The following SAP130 variants were observed in gnomAD, a reference collection of about 807,000 sequenced individuals.
The protein encoded by SAP130 is histone deacetylase complex subunit SAP130.
A neutral mutation model predicts 103.2 loss-of-function variants in SAP130; 16 were observed. That is an observed-to-expected ratio of 0.16 (90% CI 0.10 to 0.24). SAP130 has a LOEUF of 0.24. SAP130 is among the 10% of genes least tolerant of loss of function. SAP130 has a pLI of 1.00. For missense variants in SAP130, 990 were observed against 1,359.7 expected (o/e 0.73, Z 4.28); for synonymous variants, 477 against 497.0 (o/e 0.96, Z 0.53).
chr2:127,998,395 A>G (rs1274531407), intron 10 of SAP130, among the ~76,000 whole-genome samples: 1 of 152,208 alleles, frequency 6.6e-6, no homozygotes, highest in Admixed American at 6.5e-5. Context: ...TCCTAATAAG[A>G]ATAGCTGAAT....
rs1683419960 is a variant in SAP130 at position 127,999,771 on chromosome 2, T to C, written c.1183A>G (p.Thr395Ala). ...MTVPSHSSHA[T>A]AVTTSNIPVA... Reference sequence around the variant, plus strand: ...GGGATGTTTGAGGTGGTCACAGCAGTAGCATGGGAGGAATGGGAGGGTACT... The same window carrying C: ...GGGATGTTTGAGGTGGTCACAGCAGCAGCATGGGAGGAATGGGAGGGTACT... The change falls in exon 10 of 21, where the codon ACT becomes GCT. Residue 395 changes from threonine (T) to alanine (A), a missense_variant. By Grantham distance (58) the Thr-to-Ala change is moderately conservative (BLOSUM62 0). Around this residue, in one of 6 missense-constraint regions of SAP130, gnomAD observed 336 missense variants for 520.1 expected, o/e 0.65. Coordinates refer to ENST00000643581, the MANE Select transcript of SAP130 (RefSeq NM_001330301.2). The C allele has an allele frequency of 4.6e-6, 7 of 1,529,606 alleles. No individual in the cohort carries two copies. Among genetic ancestry groups the C allele is most frequent in the Admixed American group, 2.2e-5 (1 of 45,090 alleles). The allele number at this position is 1,529,606 out of a possible 1,614,324, so 94.8% of individuals were successfully genotyped here.
chr2:127,943,739 G>A (rs1481824845), intron 19 of SAP130, among the ~76,000 whole-genome samples: 1 of 152,260 alleles, frequency 6.6e-6, no homozygotes, highest in Non-Finnish European at 1.5e-5. Flanking sequence ...GTGTGAGTCA[G>A]TGGGTGAGCA....
chr2:127,996,438 A>G lies in SAP130; in HGVS notation c.1267T>C (p.Tyr423His). 6.2e-7 allele frequency: 1 copy of G among 1,607,352 alleles called. No individual in the cohort carries two copies. Among genetic ancestry groups the G allele is most frequent in the South Asian group, 1.1e-5 (1 of 90,002 alleles). ...THTSPRIQPDYPAERSSLIPI... is the reference protein window; with the variant it reads ...THTSPRIQPDHPAERSSLIPI... Reference sequence around the variant, plus strand: ...ATCAGGCTACTCCTCTCGGCAGGGTAGTCTGGCTGGATCCGAGGAGAAGTG... The same window carrying G: ...ATCAGGCTACTCCTCTCGGCAGGGTGGTCTGGCTGGATCCGAGGAGAAGTG... Residue 423 changes from tyrosine to histidine, a missense_variant, in exon 11 of 21, where the codon TAC (tyrosine) becomes CAC (histidine). By Grantham distance (83) the Tyr-to-His change is moderately conservative. Transcript: ENST00000643581. This position sits in a 1 kb window ranked among gnomAD's most constrained non-coding sequence, Gnocchi z 4.3.
chr2:128,022,264 A>G (rs1685211285), intron 2 of SAP130, among the ~76,000 whole-genome samples: 1 of 152,230 alleles, frequency 6.6e-6, no homozygotes, highest in African/African-American at 2.4e-5. Flanking sequence ...AGGGTTATCC[A>G]TAATGTTGTG....
chr2:127,993,327 A>G lies in SAP130; in HGVS notation c.1356-19T>C, dbSNP rs769309735. 7 of 1,586,730 alleles carry G rather than the reference A, an allele frequency of 4.4e-6. No individual in the cohort carries two copies. In the East Asian group the frequency reaches 1.6e-4, roughly 36 times the overall value. On this transcript the variant is annotated intron_variant, in intron 11 of 20. Coordinates refer to ENST00000643581, the MANE Select transcript of SAP130 (RefSeq NM_001330301.2). The stretch of plus-strand genomic sequence containing the variant: ...AGACGGTCTAGAGACAGAACAGATG[A>G]TAGCAAACAAAATAGTCATTTTCTT...
At chr2:127,969,822 T>C (rs190520313) in intron 15 of SAP130, among the ~76,000 whole-genome samples, 2 of 152,288 alleles carry the variant, frequency 1.3e-5, no homozygotes, top group East Asian at 3.9e-4. Flanking sequence ...GGGTCAGGTA[T>C]GGTGGCTCAT....
chr2:128,006,537 G>C (rs1683985448), intron 7 of SAP130, among the ~76,000 whole-genome samples: 1 of 152,226 alleles, frequency 6.6e-6, no homozygotes, highest in Non-Finnish European at 1.5e-5. Context: ...CACTTTGGGA[G>C]GCTGAGGCAG....
At chr2:127,995,555 A>G (rs1174522715) in intron 11 of SAP130, among the ~76,000 whole-genome samples, 3 of 152,254 alleles carry the variant, frequency 2.0e-5, no homozygotes, top group Admixed American at 2.0e-4. Context: ...TCTTTACGTC[A>G]GAATGCCAGC....
rs1289464356 is a variant in SAP130, at chr2:127,942,210, G to A, written c.3016-46C>T. On this transcript the variant is annotated intron_variant, in intron 20 of 20. Transcript: ENST00000643581. The surrounding 1 kb of genome is among the most constrained non-coding windows in gnomAD (Gnocchi z 4.8). ...TCATCAATCAGTGACCATGAGGATA[G>A]TACAGCTTTTAAAAAACTGCTTGCC... 1 of 1,530,682 alleles carries A rather than the reference G, an allele frequency of 6.5e-7. No homozygotes were observed. The highest frequency in any genetic ancestry group is 2.2e-5 in the Admixed American group (1 of 46,254). The allele number at this position is 1,530,682 out of a possible 1,614,324, so 94.8% of individuals were successfully genotyped here.
intron 2 of SAP130, among the ~76,000 whole-genome samples, chr2:128,022,385 T>C (rs1224664668): frequency 6.6e-6 from 1 of 152,264 alleles, no homozygotes; most frequent in East Asian, 1.9e-4. Context: ...GTGAGAACCC[T>C]GTTTTGGCTA....
intron 7 of SAP130, among the ~76,000 whole-genome samples, chr2:128,005,602 G>T (rs1292817659): frequency 6.6e-6 from 1 of 150,984 alleles, no homozygotes; most frequent in African/African-American, 2.4e-5. Flanking sequence ...GCAAGACTAG[G>T]TCTCAAAAGA....
In SAP130 at chr2:127,996,576, G is replaced by A; in HGVS notation, c.1214-85C>T. On this transcript the variant is annotated intron_variant, in intron 10 of 20. Transcript: ENST00000643581. The surrounding 1 kb of genome is among the most constrained non-coding windows in gnomAD (Gnocchi z 4.3). ...CATTCTTGGCTAGCAGCAATCTTAG[G>A]AAAGCAAACAATTAAAATAAGCCTG... The A allele has an allele frequency of 1.6e-6, 2 of 1,228,288 alleles. No homozygotes were observed. Among genetic ancestry groups the A allele is most frequent in the South Asian group, 2.0e-5 (1 of 50,572 alleles). The allele number at this position is 1,228,288 out of a possible 1,614,324, so 76.1% of individuals were successfully genotyped here. A position where few individuals can be genotyped will look rare whatever the true frequency, so the allele number is the denominator to read the frequency against.
At chr2:127,968,414 GTTTTTTT>G (rs772856433) in intron 15 of SAP130, among the ~76,000 whole-genome samples, 5 of 133,962 alleles carry the variant, frequency 3.7e-5, no homozygotes, top group South Asian at 4.7e-4. Flanking sequence ...CCCGGAGTTG[GTTTTTTT>G]TTTTTTTTTT....
At chr2:128,000,799 C>T (rs1007899886) in intron 7 of SAP130, among the ~76,000 whole-genome samples, 14 of 152,124 alleles carry the variant, frequency 9.2e-5, no homozygotes, top group Middle Eastern at 3.4e-3. Flanking sequence ...TTTTGGGGGG[C>T]GCAAAGGCTG....
chr2:127,969,469 C>T (rs539880267), intron 15 of SAP130, among the ~76,000 whole-genome samples: 1 of 152,176 alleles, frequency 6.6e-6, no homozygotes, highest in Non-Finnish European at 1.5e-5. Context: ...CAAGGCAGAG[C>T]AGAAGTGGGT....
chr2:127,941,810 A>G lies in SAP130; in HGVS notation c.*196T>C. 1 of 578,960 alleles carries G rather than the reference A, an allele frequency of 1.7e-6. No homozygotes were observed. The highest frequency in any genetic ancestry group is 3.0e-6 in the Non-Finnish European group (1 of 333,370). 35.9% of individuals were successfully genotyped at this position (578,960 alleles called of 1,614,324 possible). On this transcript the variant is annotated 3_prime_UTR_variant, in exon 21 of 21. Transcript: ENST00000643581. ...TTTAACAGGGGTGCACCCGAACGCAAGAAGGCAGCTCACTATGTCCAGTCA... is the reference window on the plus strand; with the variant it reads ...TTTAACAGGGGTGCACCCGAACGCAGGAAGGCAGCTCACTATGTCCAGTCA...
Position 128,010,259 on chromosome 2 carries a change from C to T in SAP130, c.869+10G>A. 1 of 1,610,972 alleles carries T rather than the reference C, an allele frequency of 6.2e-7. No individual in the cohort carries two copies. Among genetic ancestry groups the T allele is most frequent in the South Asian group, 1.1e-5 (1 of 90,402 alleles). On this transcript the variant is annotated intron_variant, in intron 7 of 20. Coordinates refer to ENST00000643581, the MANE Select transcript of SAP130 (RefSeq NM_001330301.2). ...CAGGAAGGTTCAAACTTCATACTCC[C>T]CATGTATACCTAAGTGCTGAATCAG...
chr2:127,978,552 T>A (rs529696969), intron 14 of SAP130, among the ~76,000 whole-genome samples: 5 of 152,362 alleles, frequency 3.3e-5, no homozygotes, highest in African/African-American at 1.2e-4. Flanking sequence ...AGAGGCCACG[T>A]AAGGCTCTGA....
rs1367551395 is a variant in SAP130 at position 127,989,506 on chromosome 2, TAAACCCAA to T, written c.1780+50_1780+57del. 79 of 1,485,348 alleles carry T rather than the reference TAAACCCAA, an allele frequency of 5.3e-5. No individual in the cohort carries two copies. The highest frequency in any genetic ancestry group is 6.5e-5 in the Non-Finnish European group (71 of 1,094,336). 92.0% of individuals were successfully genotyped at this position (1,485,348 alleles called of 1,614,324 possible). On this transcript the variant is annotated intron_variant, in intron 13 of 20. Coordinates refer to ENST00000643581, the MANE Select transcript of SAP130 (RefSeq NM_001330301.2). The surrounding 1 kb of genome is among the most constrained non-coding windows in gnomAD (Gnocchi z 4.6). ...CAAAGCCAGTGGCAGAGAAAGGATTTAAACCCAAATGTATTTCTTTTCTCCAAACCACC... is the reference window on the plus strand; with the variant it reads ...CAAAGCCAGTGGCAGAGAAAGGATTTATGTATTTCTTTTCTCCAAACCACC...
Sources: gnomAD v4.1 joint callset for allele counts (sites outside exome capture counted in the v4.1 genomes callset) on GRCh38, gnomAD v4.1.1 for gene constraint, gnomAD v4.1.1 regional missense constraint, Gnocchi (gnomAD v3.1) non-coding constraint, MANE v1.5 for transcripts, NCBI Gene and HGNC (gene_info 2026-07-23, HGNC 2026-07-21) for gene names.